The following AK8 variants were observed in gnomAD, a reference collection of about 807,000 sequenced individuals.
AK8 encodes the protein adenylate kinase 8.
A neutral mutation model predicts 54.6 loss-of-function variants in AK8; 44 were observed. The observed-to-expected ratio is 0.81, with a 90% CI of 0.63 to 1.04. AK8 has a LOEUF of 1.04. Among genes scored for constraint, AK8 ranks in the 50% least tolerant of loss-of-function variants. The pLI, the probability that AK8 is intolerant of heterozygous loss-of-function variation, is 0.00. For missense variants in AK8, 555 were observed against 613.6 expected, an observed-to-expected ratio of 0.90 and a Z score of 1.01; for synonymous variants, 239 against 245.6, an observed-to-expected ratio of 0.97 and a Z score of 0.25.
At chr9:132,757,870 G>C (rs1838266743) in intron 11 of AK8, among the ~76,000 whole-genome samples, 1 of 152,170 alleles carries the variant, frequency 6.6e-6, no homozygotes, top group South Asian at 2.1e-4. Context: ...GGAAAAAAAA[G>C]GTCCCTAAAC....
chr9:132,817,653 T>C (rs1042955241), intron 9 of AK8, among the ~76,000 whole-genome samples: 1 of 151,660 alleles, frequency 6.6e-6, no homozygotes, highest in Middle Eastern at 3.2e-3. Flanking sequence ...AAAGAGGCAA[T>C]AGGAAGTAGC....
At chr9:132,839,164 G>A (rs1210838182) in intron 5 of AK8, among the ~76,000 whole-genome samples, 2 of 152,064 alleles carry the variant, frequency 1.3e-5, no homozygotes, top group East Asian at 1.9e-4. Context: ...GGCTGGTCTC[G>A]AACTCCTGAC....
intron 11 of AK8, among the ~76,000 whole-genome samples, chr9:132,778,894 T>C (rs1368951916): frequency 1.3e-5 from 2 of 151,652 alleles, no homozygotes; most frequent in African/African-American, 4.8e-5. Context: ...TCCAGTTTTC[T>C]TGGCTCGATG....
intron 11 of AK8, among the ~76,000 whole-genome samples, chr9:132,766,765 A>G (rs1258729867): frequency 6.6e-6 from 1 of 152,252 alleles, no homozygotes; most frequent in East Asian, 1.9e-4. Context: ...ATAGTATGGT[A>G]CTGTCATAAA....
chr9:132,783,703 A>G (rs984687128), intron 11 of AK8, among the ~76,000 whole-genome samples: 2 of 152,196 alleles, frequency 1.3e-5, no homozygotes, highest in African/African-American at 2.4e-5. Context: ...AATGGACTCC[A>G]TGATATAGGA....
At chr9:132,842,105 C>G (rs1842567290) in intron 5 of AK8, among the ~76,000 whole-genome samples, 1 of 152,190 alleles carries the variant, frequency 6.6e-6, no homozygotes, top group African/African-American at 2.4e-5. Context: ...ACAAAGCTAG[C>G]ACACTGGCCA....
intron 11 of AK8, among the ~76,000 whole-genome samples, chr9:132,732,015 T>A (rs1480681355): frequency 6.6e-6 from 1 of 152,218 alleles, no homozygotes; most frequent in Non-Finnish European, 1.5e-5. Flanking sequence ...TGAAGATGGT[T>A]CATCTGCTCA....
At chr9:132,874,062 T>C (rs548550346) in intron 2 of AK8, among the ~76,000 whole-genome samples, 5 of 152,168 alleles carry the variant, frequency 3.3e-5, no homozygotes, top group Admixed American at 6.5e-5. Context: ...CCTGGGCATA[T>C]AGGACGCTCA....
intron 5 of AK8, among the ~76,000 whole-genome samples, chr9:132,853,852 G>A (rs1261050038): frequency 7.4e-6 from 1 of 134,940 alleles, no homozygotes; most frequent in East Asian, 2.2e-4. Flanking sequence ...ACTAAAATTA[G>A]AACAATACAG....
rs753132977 is a variant in AK8, at chr9:132,799,850, C to T, written c.980-7075G>A. ...TCCTTGAAATTGATGTCAAGATGAG[C>T]ATCAGTGTTCATGGGGGAGGCTGGC... is the stretch of plus-strand genomic sequence containing the variant. On this transcript the variant is annotated intron_variant, in intron 10 of 12. Coordinates refer to ENST00000298545, the MANE Select transcript of AK8 (RefSeq NM_152572.3). This position sits in a 1 kb window ranked among gnomAD's most constrained non-coding sequence, Gnocchi z 5.0. Among the ~76,000 whole-genome samples, 14 of 152,076 alleles carry T rather than the reference C, an allele frequency of 9.2e-5. No individual in the cohort carries two copies. The highest frequency in any genetic ancestry group is 2.6e-4 in the Admixed American group (4 of 15,270).
chr9:132,813,606 C>T (rs1564415929), intron 10 of AK8, among the ~76,000 whole-genome samples: 3 of 152,174 alleles, frequency 2.0e-5, no homozygotes, highest in Admixed American at 2.0e-4. Context: ...GGTGTGGGTG[C>T]GTGAGTGGGA....
intron 10 of AK8, among the ~76,000 whole-genome samples, chr9:132,808,098 G>C (rs1044316963): frequency 6.6e-6 from 1 of 152,138 alleles, no homozygotes; most frequent in African/African-American, 2.4e-5. Flanking sequence ...AAACAGCTGA[G>C]AACTTATTTT....
chr9:132,862,367 G>A (rs925894184), intron 4 of AK8, among the ~76,000 whole-genome samples: 43 of 150,538 alleles, frequency 2.9e-4, no homozygotes, highest in Non-Finnish European at 5.3e-4. Flanking sequence ...TTATTCTGTC[G>A]CTCAAGCTGG....
intron 11 of AK8, among the ~76,000 whole-genome samples, chr9:132,747,858 G>A (rs762542594): frequency 6.7e-6 from 1 of 149,096 alleles, no homozygotes; most frequent in Non-Finnish European, 1.5e-5. Context: ...GCTCACACCT[G>A]TAATCCCAGC....
At chr9:132,794,497 A>T (rs1158719528) in intron 10 of AK8, among the ~76,000 whole-genome samples, 4 of 152,160 alleles carry the variant, frequency 2.6e-5, no homozygotes, top group Non-Finnish European at 5.9e-5. Context: ...GTCTCTGAGG[A>T]CAGCCCCCAG....
chr9:132,747,168 G>A (rs1322245933), intron 11 of AK8, among the ~76,000 whole-genome samples: 1 of 152,238 alleles, frequency 6.6e-6, no homozygotes, highest in East Asian at 1.9e-4. Flanking sequence ...TTGAGACAGA[G>A]TCTCGCTCTG....
intron 2 of AK8, among the ~76,000 whole-genome samples, chr9:132,873,823 A>C (rs1843965201): frequency 6.6e-6 from 1 of 152,114 alleles, no homozygotes; most frequent in African/African-American, 2.4e-5. Context: ...AGTAAGGACC[A>C]CTCAGGAGCG....
rs1244246707 is a variant in AK8 at position 132,770,272 on chromosome 9, G to A, written c.1121+22362C>T. ...AAACAAACAGCAGCCCCGCCAGCCC[G>A]GGCCCGGAGGCCCAGCCCCGCGCCA... On this transcript the variant is annotated intron_variant, in intron 11 of 12. Transcript: ENST00000298545. This position sits in a 1 kb window ranked among gnomAD's most constrained non-coding sequence, Gnocchi z 4.3. 1 of 152,388 alleles carries A rather than the reference G, an allele frequency of 6.6e-6. No individual in the cohort carries two copies. Among genetic ancestry groups the A allele is most frequent in the Admixed American group, 6.5e-5 (1 of 15,290 alleles). The allele number at this position is 152,388 out of a possible 1,614,324, so 9.4% of individuals were successfully genotyped here. A position where few individuals can be genotyped will look rare whatever the true frequency, so the allele number is the denominator to read the frequency against.
At chr9:132,748,903 C>T (rs981341920) in intron 11 of AK8, among the ~76,000 whole-genome samples, 1 of 151,916 alleles carries the variant, frequency 6.6e-6, no homozygotes, top group Non-Finnish European at 1.5e-5. Flanking sequence ...GAGACTAAGT[C>T]TCACTCTTGA....
Sources: allele counts gnomAD v4.1 joint callset (sites outside exome capture counted in the v4.1 genomes callset), GRCh38; gene constraint gnomAD v4.1.1; non-coding constraint Gnocchi (gnomAD v3.1); transcripts MANE v1.5; gene names NCBI Gene and HGNC (gene_info 2026-07-23, HGNC 2026-07-21).